DYNC1I1: variants seen among roughly 807,000 people sequenced by gnomAD.
The protein encoded by DYNC1I1 is cytoplasmic dynein 1 intermediate chain 1.
DYNC1I1 carries 43 observed loss-of-function variants against 86.6 expected under a neutral mutation model. That is an observed-to-expected ratio of 0.50 (90% CI 0.39 to 0.64). The LOEUF is 0.64. DYNC1I1 is among the 30% of genes least tolerant of loss of function. The probability of loss-of-function intolerance (pLI) is 0.00; values close to 1 mark genes in which losing one functional copy is unlikely to be tolerated. For missense variants in DYNC1I1, 604 were observed against 788.8 expected, an observed-to-expected ratio of 0.77 and a Z score of 2.81; for synonymous variants, 262 against 283.7, an observed-to-expected ratio of 0.92 and a Z score of 0.77.
intron 5 of DYNC1I1, among the ~76,000 whole-genome samples, chr7:95,854,964 CTATT>C (rs1789680543): frequency 6.6e-6 from 1 of 152,160 alleles, no homozygotes; most frequent in Non-Finnish European, 1.5e-5. Context: ...AGGTTACAGT[CTATT>C]TACACATCCC....
chr7:96,103,868 TC>T (rs1791174299), intron 16 of DYNC1I1, among the ~76,000 whole-genome samples: 1 of 152,220 alleles, frequency 6.6e-6, no homozygotes, highest in Admixed American at 6.5e-5. Flanking sequence ...CGCCTCAGCC[TC>T]CCAAAGTGCT....
At chr7:95,903,229 A>G (rs183279851) in intron 6 of DYNC1I1, among the ~76,000 whole-genome samples, 54 of 152,350 alleles carry the variant, frequency 3.5e-4, no homozygotes, top group African/African-American at 1.3e-3. Flanking sequence ...GGTGGGAAAT[A>G]AGAACATATT....
rs1793208703 is a variant in DYNC1I1 at position 95,972,748 on chromosome 7, G to A, written c.491-4764G>A. Among the ~76,000 whole-genome samples the A allele has an allele frequency of 3.3e-5, 5 of 152,242 alleles. 1 individual carries two copies. The highest frequency in any genetic ancestry group is 2.1e-4 in the South Asian group (1 of 4,822). On this transcript the variant is annotated intron_variant, in intron 6 of 16. Coordinates refer to ENST00000447467, the MANE Select transcript of DYNC1I1 (RefSeq NM_001135556.2). Reference sequence around the variant, plus strand: ...AGAGCCATGGACTAGTGGAGGAAACGAACTCTTCTGGAGCTCAGGCAAAGG... The same window carrying A: ...AGAGCCATGGACTAGTGGAGGAAACAAACTCTTCTGGAGCTCAGGCAAAGG...
chr7:96,081,079 A>AAAAAG (rs1554443890), intron 16 of DYNC1I1, among the ~76,000 whole-genome samples: 6 of 133,684 alleles, frequency 4.5e-5, no homozygotes, highest in South Asian at 2.4e-4. Context: ...AAAAAAAAAG[A>AAAAAG]AAAAGAAAAG....
chr7:95,995,486 C>A, intron 9 of DYNC1I1, among the ~76,000 whole-genome samples: 1 of 152,132 alleles, frequency 6.6e-6, no homozygotes. Flanking sequence ...GAAATTAAGC[C>A]TAGAGATATA....
intron 4 of DYNC1I1, among the ~76,000 whole-genome samples, chr7:95,826,262 A>C (rs1405074815): frequency 3.3e-5 from 5 of 152,236 alleles, no homozygotes; most frequent in Middle Eastern, 3.2e-3. Flanking sequence ...ATGTAAAAAG[A>C]CAAGAGCACA....
At chr7:96,090,440 T>C (rs1198723319) in intron 16 of DYNC1I1, among the ~76,000 whole-genome samples, 2 of 152,148 alleles carry the variant, frequency 1.3e-5, no homozygotes, top group African/African-American at 4.8e-5. Flanking sequence ...CCATATTTGT[T>C]ACTATTTACT....
chr7:95,882,199 G>T (rs2116229263), intron 6 of DYNC1I1, among the ~76,000 whole-genome samples: 1 of 152,190 alleles, frequency 6.6e-6, no homozygotes, highest in South Asian at 2.1e-4. Context: ...AAGATAAAAT[G>T]ACAAAATGGT....
At chr7:95,812,040 T>G (rs2115836902) in intron 3 of DYNC1I1, among the ~76,000 whole-genome samples, 1 of 152,238 alleles carries the variant, frequency 6.6e-6, no homozygotes, top group South Asian at 2.1e-4. Flanking sequence ...AAGGGCCCTG[T>G]TTTCATTTTT....
rs116382922 is a variant in DYNC1I1, at chr7:96,037,217, C to G, written c.1364+1465C>G. Among the ~76,000 whole-genome samples, 532 of 152,268 alleles carry G rather than the reference C, an allele frequency of 3.5e-3. 2 individuals carry two copies. Among genetic ancestry groups the G allele is most frequent in the African/African-American group, 0.012 (496 of 41,554 alleles). ...GACTTAGGAAGATATGCCTCACAGT[C>G]CATTCCCAATGATCCTCCTTCATAA... On this transcript the variant is annotated intron_variant, in intron 13 of 16. Transcript: ENST00000447467.
At chr7:95,843,927 G>A (rs1168756101) in intron 5 of DYNC1I1, among the ~76,000 whole-genome samples, 1 of 152,172 alleles carries the variant, frequency 6.6e-6, no homozygotes, top group African/African-American at 2.4e-5. Context: ...AACTAATATA[G>A]CTTGGAAGTG....
chr7:96,069,164 C>T (rs1259343454), intron 14 of DYNC1I1, among the ~76,000 whole-genome samples: 2 of 152,136 alleles, frequency 1.3e-5, no homozygotes, highest in East Asian at 3.9e-4. Flanking sequence ...TCAACCTGAT[C>T]ATCGTAGATA....
In DYNC1I1 at chr7:96,016,379, C is replaced by T. The variant is rs1028561511; in HGVS notation, c.970-11796C>T. Among the ~76,000 whole-genome samples, 3 of 151,256 alleles carry T rather than the reference C, an allele frequency of 2.0e-5. No homozygotes were observed. The South Asian group carries it at 6.3e-4, about 32-fold the overall frequency. On this transcript the variant is annotated intron_variant, in intron 10 of 16. Transcript: ENST00000447467. ...TGGTAATGATCTAATGTGGGCTAGT[C>T]CATGACTCTTTGGGTGGATCCTCCA...
intron 6 of DYNC1I1, among the ~76,000 whole-genome samples, chr7:95,968,869 TG>T: frequency 1.3e-5 from 2 of 148,696 alleles, no homozygotes; most frequent in African/African-American, 5.0e-5. Context: ...TGTGTGTGTG[TG>T]TAGGCATGTG....
chr7:95,988,038 T>C (rs1008431136), intron 9 of DYNC1I1, among the ~76,000 whole-genome samples: 1 of 152,110 alleles, frequency 6.6e-6, no homozygotes, highest in Non-Finnish European at 1.5e-5. Context: ...CCACATACAG[T>C]TTTCCCCTGG....
intron 6 of DYNC1I1, among the ~76,000 whole-genome samples, chr7:95,896,209 T>G (rs1790879462): frequency 6.6e-6 from 1 of 152,152 alleles, no homozygotes; most frequent in African/African-American, 2.4e-5. Flanking sequence ...CTGCCCAGGC[T>G]TGCTCGGTGA....
chr7:96,022,641 T>C (rs950382343), intron 10 of DYNC1I1, among the ~76,000 whole-genome samples: 1 of 151,964 alleles, frequency 6.6e-6, no homozygotes, highest in African/African-American at 2.4e-5. Context: ...GGCAGGAAGA[T>C]TGCTTGAGCC....
At chr7:96,039,543 C>T in intron 14 of DYNC1I1, 122 bp downstream of exon 14, 1 of 1,221,872 alleles carries the variant, frequency 8.2e-7, no homozygotes, top group African/African-American at 1.5e-5. Flanking sequence ...AATTCATATA[C>T]CTTCTGGTGA....
At chr7:95,944,920 G>A (rs926495633) in intron 6 of DYNC1I1, among the ~76,000 whole-genome samples, 3 of 151,524 alleles carry the variant, frequency 2.0e-5, no homozygotes, top group Admixed American at 6.6e-5. Flanking sequence ...TATACCTAAT[G>A]CTAAATGACG....
Sources: gnomAD v4.1 joint callset for allele counts (sites outside exome capture counted in the v4.1 genomes callset) on GRCh38, gnomAD v4.1.1 for gene constraint, MANE v1.5 for transcripts, NCBI Gene and HGNC (gene_info 2026-07-23, HGNC 2026-07-21) for gene names.